The following SLC23A3 variants were observed in gnomAD, a reference collection of about 807,000 sequenced individuals.
SLC23A3 encodes the protein E2-binding protein 3.
Under a neutral mutation model 64.7 loss-of-function variants are expected in SLC23A3, and 41 were observed. The observed-to-expected ratio is 0.63, with a 90% CI of 0.49 to 0.82. SLC23A3 has a LOEUF of 0.82. Ranked by LOEUF, SLC23A3 falls within the 40% of genes least tolerant of loss-of-function variation. The probability of loss-of-function intolerance (pLI) is 0.00; values close to 1 mark genes in which losing one functional copy is unlikely to be tolerated. For missense variants in SLC23A3, 647 were observed against 733.4 expected, an observed-to-expected ratio of 0.88 and a Z score of 1.36; for synonymous variants, 281 against 306.8, an observed-to-expected ratio of 0.92 and a Z score of 0.88.
rs765742787 is a variant in SLC23A3 at position 219,167,927 on chromosome 2, T to C, written c.913+3A>G. The stretch of plus-strand genomic sequence containing the variant: ...GAGAATGGAGGACTAGGAGAAAACC[T>C]ACCTGGGTGAGGCAGCCAAATCCAT... On this transcript the variant is annotated splice_donor_region_variant and intron_variant, in intron 7 of 11. Transcript: ENST00000409878. 2.5e-6 allele frequency: 4 copies of C among 1,580,736 alleles called. No individual in the cohort carries two copies. The highest frequency in any genetic ancestry group is 1.7e-4 in the Middle Eastern group (1 of 5,960).
chr2:219,162,568 T>A (rs1949959485), intron 10 of SLC23A3, among the ~76,000 whole-genome samples, 174 bp from the exon 11 acceptor site: 1 of 152,176 alleles, frequency 6.6e-6, no homozygotes, highest in South Asian at 2.1e-4. Flanking sequence ...AATCCAGGCC[T>A]TTCCCACAGG....
Position 219,169,403 on chromosome 2 carries a change from C to T in SLC23A3, c.324G>A (p.Leu108=). 6.2e-7 allele frequency: 1 copy of T among 1,614,166 alleles called. No homozygotes were observed. The highest frequency in any genetic ancestry group is 1.1e-5 in the South Asian group (1 of 91,086). Residue 108 remains leucine, a synonymous_variant, in exon 3 of 12, where the codon CTG becomes CTA. Coordinates refer to ENST00000409878, the MANE Select transcript of SLC23A3 (RefSeq NM_001144889.2). This position sits in a 1 kb window ranked among gnomAD's most constrained non-coding sequence, Gnocchi z 4.5. ...CTAAGGATGGAGCCTGGACAAGAGG[C>T]AGCCTGTAGGAACAGCAGCCCCAGC... ...TILQTWMGSR[L]PLVQAPSLEF... is the part of the protein sequence containing the mutation.
intron 8 of SLC23A3, 22 bp downstream of exon 8, chr2:219,165,147 C>T (rs1220685303): frequency 5.2e-6 from 8 of 1,550,982 alleles, no homozygotes; most frequent in Non-Finnish European, 8.7e-7. Flanking sequence ...TCCTACCCCA[C>T]TCCCATCCCA....
intron 7 of SLC23A3, among the ~76,000 whole-genome samples, chr2:219,166,225 T>G (rs1950004303): frequency 6.6e-6 from 1 of 152,210 alleles, no homozygotes; most frequent in African/African-American, 2.4e-5. Context: ...AGACAGGTCC[T>G]TGCTCTGTTA....
intron 7 of SLC23A3, among the ~76,000 whole-genome samples, chr2:219,167,129 C>T (rs561416995): frequency 6.6e-6 from 1 of 152,258 alleles, no homozygotes; most frequent in East Asian, 1.9e-4. Flanking sequence ...CATGGTGGTG[C>T]ACGCTTGTAA....
chr2:219,165,912 T>TCA (rs1033484650), intron 7 of SLC23A3, among the ~76,000 whole-genome samples: 13 of 152,174 alleles, frequency 8.5e-5, no homozygotes, highest in Middle Eastern at 3.2e-3. Context: ...GGCAGGTGGC[T>TCA]CACCTGAGGT....
chr2:219,166,503 T>TTTTATTTTATTTTATTTATTTTATTTTAA (rs1950006683), intron 7 of SLC23A3, among the ~76,000 whole-genome samples: 1 of 149,602 alleles, frequency 6.7e-6, no homozygotes, highest in South Asian at 2.1e-4. Context: ...GGCTATTTTA[T>TTTTATTTTATTTTATTTATTTTATTTTAA]TTTATTTTAT....
chr2:219,169,593 G>A lies in SLC23A3; in HGVS notation c.248C>T (p.Pro83Leu). The change falls in exon 2 of 12, where the codon CCT becomes CTT. Residue 83 changes from proline to leucine, a missense_variant. Physicochemically the swap from Pro to Leu is moderately conservative, Grantham distance 98 (BLOSUM62 -3). Transcript: ENST00000409878. This position sits in a 1 kb window ranked among gnomAD's most constrained non-coding sequence, Gnocchi z 4.5. ...SLSPGGLSYSPSQLLASSFFS... is the reference protein window; with the variant it reads ...SLSPGGLSYSLSQLLASSFFS... ...GAAGCTGGAGGCCAGGAGCTGAGAA[G>A]GGGAGTAAGAGAGTCCTCCTGGGGA... 1 of 1,614,234 alleles carries A rather than the reference G, an allele frequency of 6.2e-7. No homozygotes were observed. Among genetic ancestry groups the A allele is most frequent in the Non-Finnish European group, 8.5e-7 (1 of 1,180,050 alleles).
Position 219,162,131 on chromosome 2 carries a change from C to T in SLC23A3, c.1611G>A (p.Gln537=), listed in dbSNP as rs1949950646. The part of the protein sequence containing the change: ...PFTAQEARMP[Q]KPREKAAQVY... The stretch of plus-strand genomic sequence containing the variant: ...CTTGAGCAGCCTTCTCCCTGGGCTT[C>T]TGAGGCATTCGAGCCTCTTGGGCAG... Residue 537 remains glutamine (Q), a synonymous_variant, in exon 12 of 12, where the codon CAG becomes CAA. Transcript: ENST00000409878. 3 of 1,614,170 alleles carry T rather than the reference C, an allele frequency of 1.9e-6. No individual in the cohort carries two copies. Among genetic ancestry groups the T allele is most frequent in the Non-Finnish European group, 1.7e-6 (2 of 1,180,022 alleles).
intron 7 of SLC23A3, among the ~76,000 whole-genome samples, chr2:219,166,357 G>A (rs1309253091): frequency 2.0e-5 from 3 of 151,912 alleles, no homozygotes; most frequent in Admixed American, 6.6e-5. Flanking sequence ...CACCATATCT[G>A]GCTAATTTTT....
At position 219,161,990 on chromosome 2, in the gene SLC23A3, T is replaced by G. The variant is rs1040720028; in HGVS notation, c.1752A>C (p.Pro584=). 14 of 1,613,602 alleles carry G rather than the reference T, an allele frequency of 8.7e-6. No homozygotes were observed. The highest frequency in any genetic ancestry group is 1.2e-5 in the Non-Finnish European group (14 of 1,179,750). ...CAGGCAGCAAGTCTGCCATCTCTTC[T>G]GGCTCAGAGGAGCCTCCTTCCTCAT... ...PGDEEGGSSE[P]EEMADLLPGS... Residue 584 remains proline, a synonymous_variant, in exon 12 of 12, where the codon CCA becomes CCC. Transcript: ENST00000409878.
At chr2:219,167,033 A>G (rs1950011260) in intron 7 of SLC23A3, among the ~76,000 whole-genome samples, 1 of 152,212 alleles carries the variant, frequency 6.6e-6, no homozygotes, top group African/African-American at 2.4e-5. Flanking sequence ...TCAGCAGTCA[A>G]CAGATCCTTA....
At position 219,169,388 on chromosome 2, in the gene SLC23A3, A is replaced by T; in HGVS notation, c.339T>A (p.Ala113=). ...WMGSRLPLVQ[A]PSLEFLIPAL... is the part of the protein sequence containing the mutation. ...CAGGGATAAGGAACTCTAAGGATGG[A>T]GCCTGGACAAGAGGCAGCCTGTAGG... Residue 113 remains alanine (A), a synonymous_variant, in exon 3 of 12, where the codon GCT becomes GCA. Transcript: ENST00000409878. The surrounding 1 kb of genome is among the most constrained non-coding windows in gnomAD (Gnocchi z 4.5). The T allele has an allele frequency of 6.2e-7, 1 of 1,614,154 alleles. No homozygotes were observed. The highest frequency in any genetic ancestry group is 8.5e-7 in the Non-Finnish European group (1 of 1,180,030).
chr2:219,169,936 G>A lies in SLC23A3; in HGVS notation c.49C>T (p.Gln17Ter). 6.2e-7 allele frequency: 1 copy of A among 1,613,984 alleles called. No homozygotes were observed. Among genetic ancestry groups the A allele is most frequent in the Non-Finnish European group, 8.5e-7 (1 of 1,179,942 alleles). ...GGAGGCAAGGGGGCCAGGGCATCCT[G>A]GGAGCCCACTGATCGGAGTTGGCTG... is the stretch of plus-strand genomic sequence containing the variant. ...NPSQLRSVGS[Q>*]DALAPLPPPA... The change falls in exon 1 of 12, where the codon CAG (glutamine) becomes TAG (stop). Residue 17 changes from glutamine to a stop codon, truncating the protein, a stop_gained. Coordinates refer to ENST00000409878, the MANE Select transcript of SLC23A3 (RefSeq NM_001144889.2). LOFTEE classifies it high-confidence loss of function. The surrounding 1 kb of genome is among the most constrained non-coding windows in gnomAD (Gnocchi z 4.5).
Position 219,169,457 on chromosome 2 carries a change from G to C in SLC23A3, c.321-51C>G. The C allele has an allele frequency of 6.2e-7, 1 of 1,613,718 alleles. No homozygotes were observed. The highest frequency in any genetic ancestry group is 8.5e-7 in the Non-Finnish European group (1 of 1,179,768). ...TCTGGGACTATGTGGCAGCCAGCAA[G>C]GCTCCCCCAAACCTCTCCTACCCTC... On this transcript the variant is annotated intron_variant, in intron 2 of 11. Transcript: ENST00000409878. This position sits in a 1 kb window ranked among gnomAD's most constrained non-coding sequence, Gnocchi z 4.5.
chr2:219,167,588 C>CAAAAA (rs34130254), intron 7 of SLC23A3, among the ~76,000 whole-genome samples: 10 of 61,020 alleles, frequency 1.6e-4, no homozygotes, highest in East Asian at 6.3e-4. Context: ...CCTGTCTCTA[C>CAAAAA]AAAAAAAAAA....
Position 219,165,351 on chromosome 2 carries a change from T to C in SLC23A3, c.985A>G (p.Thr329Ala), listed in dbSNP as rs1217996264. ...AGGGCATAGCAGCCCAGGGAACTGG[T>C]GGAGGCTGCCAAGGCCATGGAGATG... ...AGISMALAAS[T>A]SSLGCYALCG... The change falls in exon 8 of 12, where the codon ACC becomes GCC. Residue 329 changes from threonine (T) to alanine (A), a missense_variant. Coordinates refer to ENST00000409878, the MANE Select transcript of SLC23A3 (RefSeq NM_001144889.2). 1 of 1,551,370 alleles carries C rather than the reference T, an allele frequency of 6.4e-7. No homozygotes were observed. Among genetic ancestry groups the C allele is most frequent in the South Asian group, 1.2e-5 (1 of 84,054 alleles).
In SLC23A3 at chr2:219,169,262, T is replaced by G; in HGVS notation, c.418+47A>C. On this transcript the variant is annotated intron_variant, in intron 3 of 11. Transcript: ENST00000409878. The surrounding 1 kb of genome is among the most constrained non-coding windows in gnomAD (Gnocchi z 4.5). ...ACCCACCTACACCTGCATGCTCAGA[T>G]GAGAACCCAGCCCCACCCTTACCCC... 6.2e-7 allele frequency: 1 copy of G among 1,613,754 alleles called. No homozygotes were observed. Among genetic ancestry groups the G allele is most frequent in the East Asian group, 2.2e-5 (1 of 44,878 alleles).
intron 9 of SLC23A3, 56 bp from the exon 10 acceptor site, chr2:219,163,611 G>T: frequency 6.6e-7 from 1 of 1,514,678 alleles, no homozygotes; most frequent in Non-Finnish European, 9.1e-7. Flanking sequence ...GGCTCACATA[G>T]CATGGAGTAT....
Sources: gnomAD v4.1 joint callset for allele counts (sites outside exome capture counted in the v4.1 genomes callset) on GRCh38, gnomAD v4.1.1 for gene constraint, Gnocchi (gnomAD v3.1) non-coding constraint, MANE v1.5 for transcripts, NCBI Gene and HGNC (gene_info 2026-07-23, HGNC 2026-07-21) for gene names.